The following SRGAP3 variants were observed in gnomAD, a reference collection of about 807,000 sequenced individuals.
SRGAP3 encodes the protein SLIT-ROBO Rho GTPase activating protein 3, also known as SLIT-ROBO Rho GTPase-activating protein 3.
A neutral mutation model predicts 121.1 loss-of-function variants in SRGAP3; 39 were observed. The observed-to-expected ratio is 0.32, with a 90% CI of 0.25 to 0.42. The LOEUF (loss-of-function observed/expected upper bound fraction) is 0.42. Among genes scored for constraint, SRGAP3 ranks in the 10% least tolerant of loss-of-function variants. The probability of loss-of-function intolerance (pLI) is 1.00; values close to 1 mark genes in which losing one functional copy is unlikely to be tolerated. For missense variants in SRGAP3, 1,213 were observed against 1,470.6 expected, an observed-to-expected ratio of 0.82 and a Z score of 2.86; for synonymous variants, 601 against 570.0, an observed-to-expected ratio of 1.05 and a Z score of -0.77.
intron 4 of SRGAP3, among the ~76,000 whole-genome samples, chr3:9,075,272 A>T (rs1419922673): frequency 2.0e-5 from 3 of 152,112 alleles, no homozygotes; most frequent in Non-Finnish European, 4.4e-5. Context: ...AGTGGGATAT[A>T]TGTGTGCGCA....
intron 3 of SRGAP3, among the ~76,000 whole-genome samples, chr3:9,255,728 G>A (rs545757494): frequency 4.0e-4 from 61 of 152,306 alleles, no homozygotes; most frequent in African/African-American, 1.3e-3. Flanking sequence ...ATTCCAGAAA[G>A]AGGAGGTTGG....
At chr3:9,043,724 G>T (rs1329728271) in intron 10 of SRGAP3, among the ~76,000 whole-genome samples, 2 of 152,132 alleles carry the variant, frequency 1.3e-5, no homozygotes, top group African/African-American at 2.4e-5. Context: ...TGGTGGTTCA[G>T]TAATTTTCTA....
At chr3:9,173,285 A>G (rs578046720) in intron 1 of SRGAP3, among the ~76,000 whole-genome samples, 1 of 152,238 alleles carries the variant, frequency 6.6e-6, no homozygotes, top group South Asian at 2.1e-4. Context: ...CTTACAGCCC[A>G]AAGTTCTAAT....
intron 3 of SRGAP3, among the ~76,000 whole-genome samples, chr3:9,303,285 C>T (rs1466462096): frequency 2.0e-5 from 3 of 152,074 alleles, no homozygotes; most frequent in East Asian, 1.9e-4. Context: ...ATTAGCTGGG[C>T]ATGGTGGCGC....
intron 1 of SRGAP3, among the ~76,000 whole-genome samples, chr3:9,361,636 C>T (rs2030845191): frequency 6.6e-6 from 1 of 152,112 alleles, no homozygotes; most frequent in Admixed American, 6.6e-5. Flanking sequence ...TCGGACACAC[C>T]TCTTTATAAC....
chr3:9,059,855 A>G (rs1468450707), intron 6 of SRGAP3: 3 of 319,920 alleles, frequency 9.4e-6, no homozygotes, highest in South Asian at 2.9e-5. Context: ...TTTTACTAAT[A>G]ACATCTCCTT....
intron 3 of SRGAP3, among the ~76,000 whole-genome samples, chr3:9,278,804 T>C (rs558545506): frequency 2.6e-5 from 4 of 152,306 alleles, no homozygotes; most frequent in South Asian, 4.2e-4. Flanking sequence ...TGAATAGGCA[T>C]TGGCATTAAA....
chr3:9,270,875 C>A (rs988990617), intron 3 of SRGAP3, among the ~76,000 whole-genome samples: 11 of 152,070 alleles, frequency 7.2e-5, no homozygotes, highest in Non-Finnish European at 1.6e-4. Flanking sequence ...CCCGGAAATG[C>A]CTTACCTCTG....
intron 14 of SRGAP3, among the ~76,000 whole-genome samples, chr3:9,020,656 T>C (rs1440121712): frequency 6.6e-6 from 1 of 152,202 alleles, no homozygotes; most frequent in Non-Finnish European, 1.5e-5. Flanking sequence ...TGCAAGGCTC[T>C]CAGTCCATAA....
chr3:9,191,028 C>T (rs1289554340), intron 1 of SRGAP3, among the ~76,000 whole-genome samples: 2 of 152,198 alleles, frequency 1.3e-5, no homozygotes, highest in African/African-American at 4.8e-5. Context: ...TCCATCCCTA[C>T]CCCACCTCTT....
chr3:9,107,243 GGGCACCCAAA>G (rs1489002232), intron 2 of SRGAP3, among the ~76,000 whole-genome samples: 7 of 152,180 alleles, frequency 4.6e-5, no homozygotes, highest in Non-Finnish European at 1.0e-4. Flanking sequence ...GGTGGGTTCT[GGGCACCCAAA>G]GGTGGCCGTG....
intron 10 of SRGAP3, among the ~76,000 whole-genome samples, chr3:9,039,786 G>A (rs1944934013): frequency 1.3e-5 from 2 of 152,200 alleles, no homozygotes; most frequent in East Asian, 1.9e-4. Flanking sequence ...AGCTTTTGAG[G>A]TCTATCCATA....
chr3:9,043,936 A>G (rs1356294970), intron 10 of SRGAP3, among the ~76,000 whole-genome samples: 1 of 152,154 alleles, frequency 6.6e-6, no homozygotes, highest in Admixed American at 6.5e-5. Flanking sequence ...AGAGCAATAA[A>G]AAGGTTATAA....
chr3:9,025,897 T>G (rs1944175013), intron 13 of SRGAP3, among the ~76,000 whole-genome samples: 1 of 152,224 alleles, frequency 6.6e-6, no homozygotes, highest in Non-Finnish European at 1.5e-5. Flanking sequence ...AAAACAATTT[T>G]CCACATTATA....
At chr3:8,987,030 A>T (rs1243294437) in intron 21 of SRGAP3, among the ~76,000 whole-genome samples, 2 of 152,272 alleles carry the variant, frequency 1.3e-5, no homozygotes, top group Non-Finnish European at 2.9e-5. Context: ...TTGAGTAAAA[A>T]GAATCTGTGG....
chr3:9,107,317 A>G (rs974527332), intron 2 of SRGAP3, among the ~76,000 whole-genome samples: 4 of 152,218 alleles, frequency 2.6e-5, no homozygotes, highest in African/African-American at 4.8e-5. Context: ...TCAGAAAAAA[A>G]GAATTAGAGA....
chr3:9,172,730 C>T (rs1481674493), intron 1 of SRGAP3, among the ~76,000 whole-genome samples: 2 of 152,228 alleles, frequency 1.3e-5, no homozygotes, highest in Non-Finnish European at 2.9e-5. Context: ...GCCACAGATA[C>T]AACGTCATAG....
intron 3 of SRGAP3, among the ~76,000 whole-genome samples, chr3:9,289,212 T>G (rs906147874): frequency 1.3e-5 from 2 of 152,250 alleles, no homozygotes; most frequent in African/African-American, 4.8e-5. Context: ...TTTACCTAGT[T>G]TAATTCTTTA....
At chr3:9,062,782 A>G (rs1379356170) in intron 5 of SRGAP3, among the ~76,000 whole-genome samples, 4 of 152,240 alleles carry the variant, frequency 2.6e-5, no homozygotes, top group African/African-American at 4.8e-5. Context: ...CAGCAGATGA[A>G]CATCTGAGTC....
Sources: allele counts gnomAD v4.1 joint callset (sites outside exome capture counted in the v4.1 genomes callset), GRCh38; gene constraint gnomAD v4.1.1; transcripts MANE v1.5; gene names NCBI Gene and HGNC (gene_info 2026-07-23, HGNC 2026-07-21).